PKD1L3: variants seen among roughly 807,000 people sequenced by gnomAD.
PKD1L3 encodes the protein polycystin 1 like 3, transient receptor potential channel interacting.
PKD1L3 carries 239 observed loss-of-function variants against 184.1 expected under a neutral mutation model. The ratio of observed to expected loss-of-function variants is 1.30; its 90% CI spans 1.17 to 1.45. The LOEUF is 1.45. PKD1L3 is among the 40% of genes most tolerant of loss of function. The pLI, the probability that PKD1L3 is intolerant of heterozygous loss-of-function variation, is 0.00. For missense variants in PKD1L3, 2,660 were observed against 2,067.2 expected (o/e 1.29, Z -5.56); for synonymous variants, 996 against 778.8 (o/e 1.28, Z -4.64).
At chr16:71,975,880 G>A (rs1027125557) in intron 11 of PKD1L3, among the ~76,000 whole-genome samples, 3 of 152,112 alleles carry the variant, frequency 2.0e-5, no homozygotes, top group Non-Finnish European at 4.4e-5. Context: ...GTTATTTTCT[G>A]GTTGTGATAT....
At chr16:71,995,725 G>C (rs1352572060) in intron 2 of PKD1L3, among the ~76,000 whole-genome samples, 3 of 152,154 alleles carry the variant, frequency 2.0e-5, no homozygotes, top group African/African-American at 2.4e-5. Flanking sequence ...TTGTACTTTT[G>C]CTGGTTTGAC....
chr16:71,959,413 AAACC>A (rs1226547283), intron 16 of PKD1L3, among the ~76,000 whole-genome samples: 1 of 152,206 alleles, frequency 6.6e-6, no homozygotes, highest in South Asian at 2.1e-4. Flanking sequence ...TCCGTCTCAA[AAACC>A]AACCAACTAA....
At chr16:71,984,005 C>G in intron 6 of PKD1L3, 31 bp downstream of exon 6, 1 of 1,550,034 alleles carries the variant, frequency 6.5e-7, no homozygotes, top group South Asian at 1.2e-5. Context: ...CTCTCTCCTA[C>G]CTTCTTCCCT....
At chr16:71,972,414 T>A (rs1206780459) in intron 12 of PKD1L3, among the ~76,000 whole-genome samples, 1 of 151,038 alleles carries the variant, frequency 6.6e-6, no homozygotes, top group African/African-American at 2.4e-5. Flanking sequence ...GTAATCATCA[T>A]CATCCTCCTC....
intron 16 of PKD1L3, among the ~76,000 whole-genome samples, chr16:71,960,844 G>A (rs763364157): frequency 2.0e-5 from 3 of 152,262 alleles, no homozygotes; most frequent in Non-Finnish European, 2.9e-5. Flanking sequence ...GACTGCTTGA[G>A]CCTAGGTGTT....
chr16:71,947,067 C>T (rs2038645243), intron 22 of PKD1L3, among the ~76,000 whole-genome samples: 1 of 151,740 alleles, frequency 6.6e-6, no homozygotes, highest in African/African-American at 2.4e-5. Context: ...ACCAGCCTGG[C>T]CAACATGGCA....
Position 71,949,866 on chromosome 16 carries a change from A to T in PKD1L3, c.3535T>A (p.Leu1179Met), listed in dbSNP as rs531243650. 33 of 1,551,586 alleles carry T rather than the reference A, an allele frequency of 2.1e-5. No individual in the cohort carries two copies. The South Asian group carries it at 3.4e-4, about 16-fold the overall frequency. The change falls in exon 21 of 30, where the codon TTG becomes ATG. Residue 1179 changes from leucine (L) to methionine (M), a missense_variant. Transcript: ENST00000620267. ...CAGCTGGTGGCTTGGTCTTTGCTCA[A>T]TTCCAAGCTATAAAGTGCTGTAAAA... is the stretch of plus-strand genomic sequence containing the variant. ...AFFTALYSLE[L>M]SKDQATSWMI...
intron 11 of PKD1L3, among the ~76,000 whole-genome samples, chr16:71,975,978 G>A (rs576393726): frequency 6.7e-6 from 1 of 149,846 alleles, no homozygotes; most frequent in African/African-American, 2.5e-5. Flanking sequence ...TTTTGAGGCA[G>A]GGTCTGTCAC....
At chr16:71,984,963 C>T (rs1209831086) in intron 5 of PKD1L3, among the ~76,000 whole-genome samples, 6 of 152,054 alleles carry the variant, frequency 3.9e-5, no homozygotes, top group Admixed American at 2.6e-4. Flanking sequence ...AGCAAATGGC[C>T]GCGGTCCCAA....
At chr16:71,944,855 C>A (rs976977713) in intron 22 of PKD1L3, among the ~76,000 whole-genome samples, 4 of 151,812 alleles carry the variant, frequency 2.6e-5, no homozygotes, top group African/African-American at 9.7e-5. Flanking sequence ...CATGCCACCA[C>A]ACCTGGCTAA....
Position 71,949,802 on chromosome 16 carries a change from A to G in PKD1L3, c.3599T>C (p.Phe1200Ser). The G allele has an allele frequency of 6.4e-7, 1 of 1,550,720 alleles. No individual in the cohort carries two copies. Among genetic ancestry groups the G allele is most frequent in the Non-Finnish European group, 8.7e-7 (1 of 1,146,832 alleles). The change falls in exon 21 of 30, where the codon TTC becomes TCC. Residue 1200 changes from phenylalanine to serine, a missense_variant. By Grantham distance (155) the Phe-to-Ser change is radical. Coordinates refer to ENST00000620267, the MANE Select transcript of PKD1L3 (RefSeq NM_181536.2). ...SIILSVLQNI[F>S]ISQPVKVVFF... ...ACATACCTTTACTGGCTGGCTGATGAAGATGTTCTGAAGCACTGATAAAAT... is the reference window on the plus strand; with the variant it reads ...ACATACCTTTACTGGCTGGCTGATGGAGATGTTCTGAAGCACTGATAAAAT...
rs747223501 is a variant in PKD1L3 at position 71,998,368 on chromosome 16, T to C, written c.322A>G (p.Lys108Glu). ...GACAGGTAGGTGCAGCTGAGGGGCTTTGGGGGCCCGTTGGCTGCAACGTCT... is the reference window on the plus strand; with the variant it reads ...GACAGGTAGGTGCAGCTGAGGGGCTCTGGGGGCCCGTTGGCTGCAACGTCT... ...PADVAANGPP[K>E]PLSCTYLSRN... Residue 108 changes from lysine to glutamate, a missense_variant, in exon 2 of 30, where the codon AAG becomes GAG. Lys to Glu is a moderately conservative substitution (Grantham distance 56). Transcript: ENST00000620267. 1.3e-6 allele frequency: 2 copies of C among 1,551,690 alleles called. No individual in the cohort carries two copies. The highest frequency in any genetic ancestry group is 2.4e-5 in the South Asian group (2 of 84,042).
intron 4 of PKD1L3, 121 bp from the exon 5 acceptor site, chr16:71,986,590 T>C: frequency 1.7e-6 from 2 of 1,150,652 alleles, no homozygotes; most frequent in Non-Finnish European, 2.4e-6. Flanking sequence ...GGCATTTCTG[T>C]TAAAAAAAAT....
rs1408982758 is a variant in PKD1L3, at chr16:72,000,238, C to A, written c.-260G>T. Among the ~76,000 whole-genome samples, 1 of 152,136 alleles carries A rather than the reference C, an allele frequency of 6.6e-6. No individual in the cohort carries two copies. Among genetic ancestry groups the A allele is most frequent in the Non-Finnish European group, 1.5e-5 (1 of 68,040 alleles). Reference sequence around the variant, plus strand: ...GTCTACCTACCGAATATGCCTTTAGCAAATAGAGATCGATTATAAAGCTGA... The same window carrying A: ...GTCTACCTACCGAATATGCCTTTAGAAAATAGAGATCGATTATAAAGCTGA... On this transcript the variant is annotated 5_prime_UTR_variant, in exon 1 of 30. Coordinates refer to ENST00000620267, the MANE Select transcript of PKD1L3 (RefSeq NM_181536.2).
At chr16:71,946,907 G>GGAGAGA (rs1186788901) in intron 22 of PKD1L3, among the ~76,000 whole-genome samples, 6 of 56,028 alleles carry the variant, frequency 1.1e-4, no homozygotes, top group African/African-American at 2.8e-4. Flanking sequence ...AGAGGGAGGG[G>GGAGAGA]GAGAGAGAGA....
At position 72,000,074 on chromosome 16, in the gene PKD1L3, CT is replaced by C; in HGVS notation, c.-97del. The C allele has an allele frequency of 9.4e-7, 1 of 1,061,342 alleles. No homozygotes were observed. The highest frequency in any genetic ancestry group is 1.3e-6 in the Non-Finnish European group (1 of 778,748). 65.7% of individuals were successfully genotyped at this position (1,061,342 alleles called of 1,614,324 possible). ...GCGGGCTTGTCTTATTAGTATTATT[CT>C]TTTATGAATTGGGAACAATTTACCA... On this transcript the variant is annotated 5_prime_UTR_variant, in exon 1 of 30. Coordinates refer to ENST00000620267, the MANE Select transcript of PKD1L3 (RefSeq NM_181536.2).
At position 71,949,830 on chromosome 16, in the gene PKD1L3, T is replaced by C; in HGVS notation, c.3571A>G (p.Ile1191Val). Residue 1191 changes from isoleucine to valine, a missense_variant, in exon 21 of 30, where the codon ATT becomes GTT. Ile to Val is a conservative substitution (Grantham distance 29, BLOSUM62 3). Transcript: ENST00000620267. ...KDQATSWMIS[I>V]ILSVLQNIFI... Reference sequence around the variant, plus strand: ...ATGTTCTGAAGCACTGATAAAATAATTGAAATCATCCAGCTGGTGGCTTGG... The same window carrying C: ...ATGTTCTGAAGCACTGATAAAATAACTGAAATCATCCAGCTGGTGGCTTGG... The C allele has an allele frequency of 1.3e-6, 2 of 1,551,444 alleles. No individual in the cohort carries two copies. The highest frequency in any genetic ancestry group is 2.0e-5 in the Admixed American group (1 of 50,978).
chr16:71,993,128 C>T, intron 3 of PKD1L3, 88 bp downstream of exon 3: 3 of 927,090 alleles, frequency 3.2e-6, no homozygotes, highest in East Asian at 5.5e-5. Context: ...TGTTATAACA[C>T]ATTTCAGCAT....
In PKD1L3 at chr16:71,933,983, G is replaced by C. The variant is rs147505098; in HGVS notation, c.4756C>G (p.Arg1586Gly). The change falls in exon 27 of 30, where the codon CGA (arginine) becomes GGA (glycine). Residue 1586 changes from arginine to glycine, a missense_variant. Arg to Gly is a moderately radical substitution (Grantham distance 125). Coordinates refer to ENST00000620267, the MANE Select transcript of PKD1L3 (RefSeq NM_181536.2). ...AAGCCCACCACCTCGTCCCAGGCTC[G>C]GCTCAGTGTCCTGCTGATGACCCGC... ...RLRVISRTLS[R>G]AWDEVVGFLL... 3.2e-6 allele frequency: 5 copies of C among 1,551,590 alleles called. No individual in the cohort carries two copies. The highest frequency in any genetic ancestry group is 4.4e-6 in the Non-Finnish European group (5 of 1,146,992).
Sources: allele counts gnomAD v4.1 joint callset (sites outside exome capture counted in the v4.1 genomes callset), GRCh38; gene constraint gnomAD v4.1.1; transcripts MANE v1.5; gene names NCBI Gene and HGNC (gene_info 2026-07-23, HGNC 2026-07-21).